WDR59: variants seen among roughly 807,000 people sequenced by gnomAD.
WDR59 encodes GATOR2 complex protein WDR59.
In WDR59, 100 loss-of-function variants were observed where a neutral mutation model predicts 131.2. That is an observed-to-expected ratio of 0.76 (90% CI 0.65 to 0.90). The LOEUF is 0.90. Among genes scored for constraint, WDR59 ranks in the 40% least tolerant of loss-of-function variants. WDR59 has a pLI of 0.00. For missense variants in WDR59, 1,203 were observed against 1,262.2 expected (o/e 0.95, Z 0.71); for synonymous variants, 601 against 466.2 (o/e 1.29, Z -3.72).
At chr16:74,887,836 G>T in intron 22 of WDR59, 81 bp from the exon 23 acceptor site, 2 of 1,382,938 alleles carry the variant, frequency 1.4e-6, no homozygotes, top group Non-Finnish European at 2.0e-6. Context: ...GAAAACAGCA[G>T]GCCAAGCACG....
At chr16:74,885,524 T>C in intron 25 of WDR59, 129 bp downstream of exon 25, 2 of 1,050,494 alleles carry the variant, frequency 1.9e-6, no homozygotes, top group African/African-American at 3.4e-5. Context: ...TGGAATAGAC[T>C]CAAAATGCCT....
At chr16:74,886,064 G>A in intron 24 of WDR59, 3 of 699,274 alleles carry the variant, frequency 4.3e-6, no homozygotes, top group East Asian at 5.9e-5. Context: ...TGTAATCCCA[G>A]CTACTCAGGA....
At chr16:74,907,556 A>G (rs939715092) in intron 17 of WDR59, among the ~76,000 whole-genome samples, 1 of 152,230 alleles carries the variant, frequency 6.6e-6, no homozygotes, top group Non-Finnish European at 1.5e-5. Flanking sequence ...TTGTGAGTCA[A>G]CTAACCTCTT....
intron 22 of WDR59, 88 bp from the exon 23 acceptor site, chr16:74,887,843 C>T: frequency 7.6e-7 from 1 of 1,319,278 alleles, no homozygotes; most frequent in Non-Finnish European, 1.1e-6. Flanking sequence ...GCAGGCCAAG[C>T]ACGGTGGCTC....
At chr16:74,886,192 T>TAAAAAAAAAAAAAAAC (rs1567687441) in intron 24 of WDR59, 78 bp downstream of exon 24, 1 of 1,152,286 alleles carries the variant, frequency 8.7e-7, no homozygotes, top group Admixed American at 2.4e-5. Flanking sequence ...AAAAAAAAAG[T>TAAAAAAAAAAAAAAAC]AAGAGTTGTG....
intron 3 of WDR59, among the ~76,000 whole-genome samples, chr16:74,955,263 T>G (rs756938117): frequency 3.9e-5 from 6 of 152,168 alleles, no homozygotes; most frequent in Non-Finnish European, 7.4e-5. Context: ...GAGACATTTT[T>G]GATTGTCATA....
At chr16:74,947,609 G>C (rs1007790856) in intron 6 of WDR59, among the ~76,000 whole-genome samples, 11 of 152,180 alleles carry the variant, frequency 7.2e-5, no homozygotes, top group African/African-American at 2.4e-4. Flanking sequence ...ACTAAAAAAA[G>C]AGAGAGAGAC....
chr16:74,916,451 A>C (rs573057399), intron 11 of WDR59, among the ~76,000 whole-genome samples, 192 bp from the exon 12 acceptor site: 1 of 152,210 alleles, frequency 6.6e-6, no homozygotes, highest in Non-Finnish European at 1.5e-5. Context: ...AACAGACTCT[A>C]TTATTCAACA....
rs534488128 is a variant in WDR59, at chr16:74,941,837, C to T, written c.534+901G>A. 6.6e-5 allele frequency among the ~76,000 whole-genome samples: 10 copies of T among 152,300 alleles called. No individual in the cohort carries two copies. The East Asian group carries it at 7.7e-4, about 12-fold the overall frequency. On this transcript the variant is annotated intron_variant, in intron 7 of 25. Coordinates refer to ENST00000262144, the MANE Select transcript of WDR59 (RefSeq NM_030581.4). ...CTAATGCAGCAGACAGGATCTGCCA[C>T]GCCTGATCTCTGCTCCACTTCTCGC...
In WDR59 at chr16:74,887,979, G is replaced by A. The variant is rs185417692; in HGVS notation, c.2346+190C>T. Among the ~76,000 whole-genome samples the A allele has an allele frequency of 3.4e-4, 52 of 152,120 alleles. 1 individual carries two copies. Among genetic ancestry groups the A allele is most frequent in the African/African-American group, 1.2e-3 (51 of 41,514 alleles). On this transcript the variant is annotated intron_variant, in intron 22 of 25. Transcript: ENST00000262144. ...CTAAAACCACAAAAATATACCAAGA[G>A]TGGTGGTGCATGCCTGTAATCCCAG...
At chr16:74,915,704 G>A (rs993118430) in intron 13 of WDR59, 166 bp downstream of exon 13, 66 of 936,866 alleles carry the variant, frequency 7.0e-5, no homozygotes, top group Admixed American at 1.2e-4. Flanking sequence ...GATTACAGGC[G>A]TGAGCCACCG....
intron 1 of WDR59, among the ~76,000 whole-genome samples, chr16:74,966,177 A>G (rs755343543): frequency 1.4e-4 from 21 of 152,262 alleles, no homozygotes; most frequent in Non-Finnish European, 2.8e-4. Context: ...CCAAGCTGGT[A>G]CATTCTAAAT....
Position 74,951,528 on chromosome 16 carries a change from C to G in WDR59, c.256G>C (p.Asp86His), listed in dbSNP as rs768779747. Residue 86 changes from aspartate to histidine, a missense_variant, in exon 4 of 26, where the codon GAC becomes CAC. Coordinates refer to ENST00000262144, the MANE Select transcript of WDR59 (RefSeq NM_030581.4). ...CTGCCGTCTTTCCACTTGTAAAGGTCTACTCGTTGGTTACTCTGAAAAGAA... is the reference window on the plus strand; with the variant it reads ...CTGCCGTCTTTCCACTTGTAAAGGTGTACTCGTTGGTTACTCTGAAAAGAA... Reference protein sequence around the residue: ...YFAASSNQRVDLYKWKDGSGE... With the variant: ...YFAASSNQRVHLYKWKDGSGE... 1.9e-6 allele frequency: 3 copies of G among 1,597,388 alleles called. No individual in the cohort carries two copies. In the East Asian group the frequency reaches 6.7e-5, roughly 36 times the overall value.
At chr16:74,972,086 C>T (rs1316144328) in intron 1 of WDR59, among the ~76,000 whole-genome samples, 2 of 152,174 alleles carry the variant, frequency 1.3e-5, no homozygotes, top group African/African-American at 4.8e-5. Context: ...TGCTCTCTAT[C>T]AAAACAGGTA....
At chr16:74,915,803 T>C in intron 13 of WDR59, 67 bp downstream of exon 13, 1 of 1,602,620 alleles carries the variant, frequency 6.2e-7, no homozygotes. Flanking sequence ...AAATCATTGC[T>C]GAAATGGTTC....
chr16:74,983,756 G>A (rs534398317), intron 1 of WDR59, among the ~76,000 whole-genome samples: 2 of 151,522 alleles, frequency 1.3e-5, no homozygotes, highest in African/African-American at 2.4e-5. Flanking sequence ...CAGGGGGTTC[G>A]CTTGAGCCCA....
intron 1 of WDR59, among the ~76,000 whole-genome samples, chr16:74,975,930 C>G (rs2034162268): frequency 1.3e-5 from 2 of 151,914 alleles, no homozygotes; most frequent in Admixed American, 1.3e-4. Flanking sequence ...GTGGGAGGAT[C>G]ACTTAAACTC....
Position 74,977,812 on chromosome 16 carries a change from C to G in WDR59, c.54+7152G>C, listed in dbSNP as rs558705375. On this transcript the variant is annotated intron_variant, in intron 1 of 25. Coordinates refer to ENST00000262144, the MANE Select transcript of WDR59 (RefSeq NM_030581.4). ...ATGTCCATAAACAGGTGAATGAATA[C>G]ACAAATTGCAGTCTATATACTGGAA... Among the ~76,000 whole-genome samples, 24 of 152,286 alleles carry G rather than the reference C, an allele frequency of 1.6e-4. No individual in the cohort carries two copies. In the East Asian group the frequency reaches 1.7e-3, roughly 11 times the overall value.
chr16:74,938,287 ATAT>A (rs769308684), intron 7 of WDR59, 21 bp from the exon 8 acceptor site: 2 of 1,433,662 alleles, frequency 1.4e-6, no homozygotes, highest in South Asian at 1.5e-5. Flanking sequence ...TCAGCACCTA[ATAT>A]TATCGATTTA....
Sources: allele counts gnomAD v4.1 joint callset (sites outside exome capture counted in the v4.1 genomes callset), GRCh38; gene constraint gnomAD v4.1.1; transcripts MANE v1.5; gene names NCBI Gene and HGNC (gene_info 2026-07-23, HGNC 2026-07-21).